MAGI2: variants seen among roughly 807,000 people sequenced by gnomAD.
MAGI2 encodes membrane-associated guanylate kinase, WW and PDZ domain-containing protein 2.
In MAGI2, 35 loss-of-function variants were observed where a neutral mutation model predicts 133.3. The ratio of observed to expected loss-of-function variants is 0.26; its 90% confidence interval spans 0.20 to 0.35. The LOEUF (loss-of-function observed/expected upper bound fraction) is 0.35. Among genes scored for constraint, MAGI2 ranks in the 10% least tolerant of loss-of-function variants. The pLI is 1.00. For missense variants in MAGI2, 1,636 were observed against 1,863.4 expected (o/e 0.88, Z 2.25); for synonymous variants, 729 against 710.6 (o/e 1.03, Z -0.41).
chr7:78,610,080 C>T (rs963094782), intron 3 of MAGI2, among the ~76,000 whole-genome samples: 4 of 152,128 alleles, frequency 2.6e-5, no homozygotes, highest in Non-Finnish European at 4.4e-5. Flanking sequence ...TTCCACTCTA[C>T]CCCTTGATTC....
intron 1 of MAGI2, among the ~76,000 whole-genome samples, chr7:79,397,967 T>C (rs1184486396): frequency 6.6e-6 from 1 of 152,200 alleles, no homozygotes; most frequent in Non-Finnish European, 1.5e-5. Context: ...TTCCTTGTTT[T>C]TATGTTTAGA....
intron 2 of MAGI2, among the ~76,000 whole-genome samples, chr7:78,735,899 C>G (rs1023241142): frequency 6.6e-6 from 1 of 152,066 alleles, no homozygotes; most frequent in African/African-American, 2.4e-5. Context: ...ACAATTTGTA[C>G]AAGAAAGTAG....
intron 9 of MAGI2, among the ~76,000 whole-genome samples, chr7:78,265,669 C>G (rs1432831132): frequency 2.0e-5 from 3 of 152,160 alleles, no homozygotes; most frequent in Non-Finnish European, 4.4e-5. Flanking sequence ...ATATTAACCG[C>G]CCCCAACCCC....
intron 3 of MAGI2, among the ~76,000 whole-genome samples, chr7:78,606,781 T>G (rs545370338): frequency 6.6e-6 from 1 of 152,306 alleles, no homozygotes; most frequent in Admixed American, 6.5e-5. Flanking sequence ...AAATTTCTCC[T>G]TGTCTTGCAG....
At position 78,488,398 on chromosome 7, in the gene MAGI2, C is replaced by T. The variant is rs544899445; in HGVS notation, c.1045+1363G>A. On this transcript the variant is annotated intron_variant, in intron 6 of 21. Transcript: ENST00000354212. Reference sequence around the variant, plus strand: ...AGAACAACTCAAAGGTGCAAGACAGCTGAGAAGTTCCATATGTCACAGAAC... The same window carrying T: ...AGAACAACTCAAAGGTGCAAGACAGTTGAGAAGTTCCATATGTCACAGAAC... Among the ~76,000 whole-genome samples the T allele has an allele frequency of 3.1e-4, 47 of 152,140 alleles. No individual in the cohort carries two copies. In the East Asian group the frequency reaches 7.4e-3, roughly 24 times the overall value.
At chr7:78,721,352 C>A (rs191165697) in intron 2 of MAGI2, among the ~76,000 whole-genome samples, 1 of 152,062 alleles carries the variant, frequency 6.6e-6, no homozygotes, top group Non-Finnish European at 1.5e-5. Flanking sequence ...CACAGAGTGA[C>A]TAAGGTAGCA....
At chr7:78,355,272 A>G (rs1791952406) in intron 7 of MAGI2, among the ~76,000 whole-genome samples, 1 of 152,196 alleles carries the variant, frequency 6.6e-6, no homozygotes, top group East Asian at 1.9e-4. Context: ...AAGAACAGGA[A>G]AGGTGTGATG....
chr7:79,107,372 A>G (rs1156834391), intron 1 of MAGI2, among the ~76,000 whole-genome samples: 1 of 152,194 alleles, frequency 6.6e-6, no homozygotes, highest in African/African-American at 2.4e-5. Flanking sequence ...AGACACATGG[A>G]AGTGAATTCT....
intron 2 of MAGI2, among the ~76,000 whole-genome samples, chr7:78,936,381 A>G (rs1254668779): frequency 6.6e-6 from 1 of 152,000 alleles, no homozygotes; most frequent in Non-Finnish European, 1.5e-5. Flanking sequence ...CTCTGATTTC[A>G]AAAACAAATA....
intron 21 of MAGI2, among the ~76,000 whole-genome samples, chr7:78,067,468 G>A (rs1813955142): frequency 6.6e-6 from 1 of 152,168 alleles, no homozygotes; most frequent in Admixed American, 6.5e-5. Flanking sequence ...CTAAAACCCA[G>A]GATCCCAATA....
At chr7:78,972,343 A>G (rs1044008191) in intron 2 of MAGI2, among the ~76,000 whole-genome samples, 1 of 151,850 alleles carries the variant, frequency 6.6e-6, no homozygotes, top group Non-Finnish European at 1.5e-5. Context: ...TTCTTGTTCA[A>G]TATTCTCTTA....
chr7:79,071,064 C>T (rs528369725), intron 1 of MAGI2, among the ~76,000 whole-genome samples: 43 of 152,218 alleles, frequency 2.8e-4, no homozygotes, highest in African/African-American at 9.6e-4. Flanking sequence ...GCACTGGTTT[C>T]GCCCCATCTT....
At chr7:78,909,078 A>T (rs372889571) in intron 2 of MAGI2, among the ~76,000 whole-genome samples, 12 of 151,942 alleles carry the variant, frequency 7.9e-5, no homozygotes, top group African/African-American at 2.9e-4. Context: ...ACAAAGGTCT[A>T]ATATCCAGAA....
At chr7:79,423,042 C>T (rs13222501) in intron 1 of MAGI2, among the ~76,000 whole-genome samples, 5,167 of 152,010 alleles carry the variant, frequency 0.034, 188 homozygotes, top group East Asian at 0.18. Flanking sequence ...CACAAGATTG[C>T]GTTACATGGC....
intron 6 of MAGI2, chr7:78,485,284 T>C (rs770355441): frequency 2.6e-5 from 4 of 151,976 alleles, no homozygotes; most frequent in Non-Finnish European, 5.9e-5. Flanking sequence ...TAGAATCCAG[T>C]AGTAGGTGGA....
chr7:78,941,164 G>T (rs1048869044), intron 2 of MAGI2, among the ~76,000 whole-genome samples: 6 of 152,042 alleles, frequency 3.9e-5, no homozygotes, highest in Admixed American at 3.9e-4. Flanking sequence ...GCATCATTTT[G>T]GTAGGTAGCT....
chr7:78,791,506 A>G (rs574358585), intron 2 of MAGI2, among the ~76,000 whole-genome samples: 3 of 151,752 alleles, frequency 2.0e-5, no homozygotes, highest in Non-Finnish European at 4.4e-5. Context: ...ATATCACTAC[A>G]GCATTACTTT....
At chr7:78,243,947 A>G (rs1791462044) in intron 10 of MAGI2, among the ~76,000 whole-genome samples, 2 of 151,966 alleles carry the variant, frequency 1.3e-5, no homozygotes, top group African/African-American at 4.8e-5. Flanking sequence ...TCAGCCAATA[A>G]ATTATTTATA....
At chr7:79,394,776 T>C (rs191322571) in intron 1 of MAGI2, among the ~76,000 whole-genome samples, 1 of 152,364 alleles carries the variant, frequency 6.6e-6, no homozygotes, top group East Asian at 1.9e-4. Flanking sequence ...TTAATGTTTT[T>C]AATGTTTCAC....
Sources: allele counts gnomAD v4.1 joint callset (sites outside exome capture counted in the v4.1 genomes callset), GRCh38; gene constraint gnomAD v4.1.1; transcripts MANE v1.5; gene names NCBI Gene and HGNC (gene_info 2026-07-23, HGNC 2026-07-21).